The following ACSM2B variants were observed in gnomAD, a reference collection of about 807,000 sequenced individuals.
ACSM2B encodes the protein acyl-CoA synthetase medium chain family member 2B, also known as acyl-coenzyme A synthetase ACSM2B, mitochondrial.
Under a neutral mutation model 78.6 loss-of-function variants are expected in ACSM2B, and 58 were observed. That is an observed-to-expected ratio of 0.74 (90% CI 0.60 to 0.92). The LOEUF is 0.92. Among genes scored for constraint, ACSM2B ranks in the 40% least tolerant of loss-of-function variants. ACSM2B has a pLI of 0.00. For synonymous variants in ACSM2B, 257 were observed against 256.8 expected, an observed-to-expected ratio of 1.00 and a Z score of -0.01; for missense variants, 688 against 711.2, an observed-to-expected ratio of 0.97 and a Z score of 0.37.
intron 1 of ACSM2B, among the ~76,000 whole-genome samples, chr16:20,567,084 A>G (rs1432372669): frequency 7.4e-6 from 1 of 135,384 alleles, no homozygotes; most frequent in African/African-American, 2.7e-5. Flanking sequence ...ACTTAGATCT[A>G]GATATATATA....
In ACSM2B at chr16:20,545,166, A is replaced by C; in HGVS notation, c.1272T>G (p.Ser424=). The C allele has an allele frequency of 6.2e-7, 1 of 1,612,860 alleles. No individual in the cohort carries two copies. The highest frequency in any genetic ancestry group is 8.5e-7 in the Non-Finnish European group (1 of 1,179,070). The part of the protein sequence containing the change: ...VKPIRPIGIF[S]GYVENPDKTA... ...AAGCACAGTTTCTCACCACATAGCCAGAGAAGATGCCTATAGGCCTGATGG... is the reference window on the plus strand; with the variant it reads ...AAGCACAGTTTCTCACCACATAGCCCGAGAAGATGCCTATAGGCCTGATGG... The change falls in exon 10 of 14, where the codon TCT becomes TCG. Residue 424 remains serine, a synonymous_variant. Transcript: ENST00000329697.
Position 20,541,130 on chromosome 16 carries a change from TG to T in ACSM2B, c.1510-358del, listed in dbSNP as rs573108603. The stretch of plus-strand genomic sequence containing the variant: ...TTCTCCAAACTTCAGTGTTCCCGTC[TG>T]CAAAATGGGGATAAAATAGCCAAAT... On this transcript the variant is annotated intron_variant, in intron 12 of 13. Transcript: ENST00000329697. 403 of 163,140 alleles carry T rather than the reference TG, an allele frequency of 2.5e-3. 2 individuals are homozygous for T. The highest frequency in any genetic ancestry group is 9.1e-3 in the African/African-American group (380 of 41,958). The allele number at this position is 163,140 out of a possible 1,614,324, so 10.1% of individuals were successfully genotyped here.
chr16:20,556,805 G>A (rs1026736903), intron 3 of ACSM2B, among the ~76,000 whole-genome samples: 1 of 152,076 alleles, frequency 6.6e-6, no homozygotes, highest in Non-Finnish European at 1.5e-5. Context: ...GACAGACACA[G>A]AACAGTAGAC....
At chr16:20,570,651 T>C (rs1023117704) in intron 1 of ACSM2B, among the ~76,000 whole-genome samples, 7 of 151,860 alleles carry the variant, frequency 4.6e-5, no homozygotes, top group African/African-American at 1.7e-4. Context: ...CTTCTTTGAA[T>C]GTCTGGTAGA....
At chr16:20,549,089 G>T (rs1260291331) in intron 6 of ACSM2B, among the ~76,000 whole-genome samples, 1 of 152,042 alleles carries the variant, frequency 6.6e-6, no homozygotes, top group African/African-American at 2.4e-5. Flanking sequence ...GATACAGAGG[G>T]GAAACCCATG....
chr16:20,560,447 C>A (rs1264178840), intron 2 of ACSM2B, among the ~76,000 whole-genome samples: 1 of 151,988 alleles, frequency 6.6e-6, no homozygotes, highest in Non-Finnish European at 1.5e-5. Context: ...TGTTTTGCTC[C>A]TCATCTTGCC....
At chr16:20,558,197 A>G (rs2015535352) in intron 3 of ACSM2B, among the ~76,000 whole-genome samples, 1 of 152,112 alleles carries the variant, frequency 6.6e-6, no homozygotes, top group Non-Finnish European at 1.5e-5. Context: ...ATTCTGATGG[A>G]CCAGCTTGCA....
chr16:20,546,080 C>G (rs576288682), intron 9 of ACSM2B, among the ~76,000 whole-genome samples: 1 of 152,192 alleles, frequency 6.6e-6, no homozygotes, highest in South Asian at 2.1e-4. Flanking sequence ...ATGATAAAAG[C>G]TAGTTACAAA....
Position 20,542,932 on chromosome 16 carries a change from T to G in ACSM2B, c.1491A>C (p.Pro497=). 6.2e-7 allele frequency: 1 copy of G among 1,613,774 alleles called. No homozygotes were observed. Among genetic ancestry groups the G allele is most frequent in the South Asian group, 1.1e-5 (1 of 91,074 alleles). Residue 497 remains proline (P), a synonymous_variant, in exon 12 of 14, where the codon CCA becomes CCC. Coordinates refer to ENST00000329697, the MANE Select transcript of ACSM2B (RefSeq NM_001105069.2). ...AVVETAVISS[P]DPVRGEVVKA... is the part of the protein sequence containing the mutation. The stretch of plus-strand genomic sequence containing the variant: ...CCATCACCTCTCCTCGGACGGGGTC[T>G]GGGCTGCTGATCACAGCCGTCTCAA...
At chr16:20,549,911 G>C (rs1438399936) in intron 6 of ACSM2B, 1 of 368,748 alleles carries the variant, frequency 2.7e-6, no homozygotes, top group Non-Finnish European at 5.3e-6. Flanking sequence ...CCTTAGTTAA[G>C]ATAAATAATT....
At chr16:20,559,535 G>T in intron 2 of ACSM2B, 88 bp from the exon 3 acceptor site, 2 of 1,487,932 alleles carry the variant, frequency 1.3e-6, no homozygotes, top group South Asian at 2.7e-5. Context: ...CCAAGCTGGT[G>T]CTTAGTAAGG....
Position 20,538,726 on chromosome 16 carries a change from T to C in ACSM2B, c.1630-1364A>G, listed in dbSNP as rs150894191. ...CTCAGCATTCTACAATATTCAGTTA[T>C]ACTTAAACGTTCAGCATTATTCTCA... On this transcript the variant is annotated intron_variant, in intron 13 of 13. Coordinates refer to ENST00000329697, the MANE Select transcript of ACSM2B (RefSeq NM_001105069.2). 4.8e-3 allele frequency among the ~76,000 whole-genome samples: 737 copies of C among 152,230 alleles called. 7 individuals are homozygous for C. The highest frequency in any genetic ancestry group is 0.017 in the African/African-American group (699 of 41,540).
At chr16:20,567,597 G>GATATATA (rs1287133590) in intron 1 of ACSM2B, among the ~76,000 whole-genome samples, 1 of 128,528 alleles carries the variant, frequency 7.8e-6, no homozygotes, top group Non-Finnish European at 1.6e-5. Flanking sequence ...AATAATATAA[G>GATATATA]ATATATAATA....
At chr16:20,552,562 C>T (rs555253475) in intron 5 of ACSM2B, among the ~76,000 whole-genome samples, 6 of 152,250 alleles carry the variant, frequency 3.9e-5, no homozygotes, top group African/African-American at 1.2e-4. Flanking sequence ...GTCTCATTCT[C>T]CTCTTAACTC....
intron 11 of ACSM2B, 42 bp from the exon 12 acceptor site, chr16:20,543,055 C>A: frequency 1.2e-6 from 2 of 1,612,906 alleles, no homozygotes; most frequent in African/African-American, 1.3e-5. Flanking sequence ...GGACACCGAA[C>A]CTCTAGGCCA....
intron 13 of ACSM2B, among the ~76,000 whole-genome samples, chr16:20,537,669 C>T (rs2014882048): frequency 6.6e-6 from 1 of 152,208 alleles, no homozygotes; most frequent in South Asian, 2.1e-4. Flanking sequence ...CCTCCTCTGC[C>T]AATCATCTGG....
chr16:20,557,548 A>T (rs1361944193), intron 3 of ACSM2B, among the ~76,000 whole-genome samples: 1 of 152,224 alleles, frequency 6.6e-6, no homozygotes, highest in Admixed American at 6.5e-5. Context: ...TGAGCATCCA[A>T]TATGACCATC....
In ACSM2B at chr16:20,544,629, C is replaced by T. The variant is rs1307066648; in HGVS notation, c.1281+528G>A. ...CTGTCCACTTTCTAATGGTTGTGAG[C>T]TTGAGCAAGTCTTGTAATCTCTGGC... On this transcript the variant is annotated intron_variant, in intron 10 of 13. Transcript: ENST00000329697. The T allele has an allele frequency of 5.1e-6, 5 of 985,156 alleles. No homozygotes were observed. In the Admixed American group the frequency reaches 3.1e-4, roughly 61 times the overall value. The allele number at this position is 985,156 out of a possible 1,614,324, so 61.0% of individuals were successfully genotyped here.
At chr16:20,551,588 G>A (rs1489161660) in intron 6 of ACSM2B, among the ~76,000 whole-genome samples, 1 of 152,072 alleles carries the variant, frequency 6.6e-6, no homozygotes, top group African/African-American at 2.4e-5. Flanking sequence ...GTAAATGTCT[G>A]TTATTTAAGC....
Sources: allele counts gnomAD v4.1 joint callset (sites outside exome capture counted in the v4.1 genomes callset), GRCh38; gene constraint gnomAD v4.1.1; transcripts MANE v1.5; gene names NCBI Gene and HGNC (gene_info 2026-07-23, HGNC 2026-07-21).